Variants in ARHGAP8 observed in about 807,000 individuals in gnomAD.
ARHGAP8 encodes the protein Rho GTPase activating protein 8.
Under a neutral mutation model 46.1 loss-of-function variants are expected in ARHGAP8, and 62 were observed. The observed-to-expected ratio is 1.34, with a 90% CI of 1.10 to 1.66. The LOEUF is 1.66. ARHGAP8 is among the 40% of genes most tolerant of loss of function. ARHGAP8 has a pLI of 0.00. For missense variants in ARHGAP8, 923 were observed against 568.4 expected (o/e 1.62, Z -6.34); for synonymous variants, 375 against 243.1 (o/e 1.54, Z -5.05).
At position 44,825,608 on chromosome 22, in the gene ARHGAP8, G is replaced by T. The variant is rs368045205; in HGVS notation, c.596+15G>T. On this transcript the variant is annotated intron_variant, in intron 7 of 11. Coordinates refer to ENST00000356099, the MANE Select transcript of ARHGAP8 (RefSeq NM_181335.3). The stretch of plus-strand genomic sequence containing the variant: ...AGTCTGCAATAGTAAGTGAGCCGGG[G>T]ATGTGCCTGCTCCTATGCCCTGGAG... The T allele has an allele frequency of 5.0e-6, 8 of 1,608,084 alleles. No individual in the cohort carries two copies. In the African/African-American group the frequency reaches 9.4e-5, roughly 19 times the overall value.
chr22:44,841,048 G>A (rs565678961), intron 7 of ARHGAP8, among the ~76,000 whole-genome samples: 2 of 152,298 alleles, frequency 1.3e-5, no homozygotes, highest in East Asian at 3.9e-4. Flanking sequence ...GCCTTTCAGG[G>A]GAGTCCCGTT....
chr22:44,753,149 G>C (rs1007492910), intron 1 of ARHGAP8, among the ~76,000 whole-genome samples: 3 of 151,958 alleles, frequency 2.0e-5, no homozygotes, highest in Non-Finnish European at 2.9e-5. Context: ...GTGCTGCGCT[G>C]ATTCAAACTC....
chr22:44,844,881 C>G (rs961688065), intron 7 of ARHGAP8, among the ~76,000 whole-genome samples: 1 of 152,156 alleles, frequency 6.6e-6, no homozygotes, highest in Non-Finnish European at 1.5e-5. Context: ...TTATTCTGCC[C>G]TCACAGCCAA....
intron 2 of ARHGAP8, among the ~76,000 whole-genome samples, chr22:44,795,387 T>A (rs1928007404): frequency 6.6e-6 from 1 of 152,062 alleles, no homozygotes; most frequent in Admixed American, 6.6e-5. Context: ...GTTGGGTACC[T>A]CGGGCCCTGT....
At chr22:44,768,985 C>A (rs1925806399) in intron 1 of ARHGAP8, among the ~76,000 whole-genome samples, 1 of 152,032 alleles carries the variant, frequency 6.6e-6, no homozygotes, top group Non-Finnish European at 1.5e-5. Flanking sequence ...CACGTGTGCA[C>A]CATCATGCCT....
Position 44,819,215 on chromosome 22 carries a change from C to T in ARHGAP8, c.387-3156C>T, listed in dbSNP as rs151260887. Among the ~76,000 whole-genome samples the T allele has an allele frequency of 1.2e-3, 181 of 152,292 alleles. 6 individuals are homozygous for T. The South Asian group carries it at 0.031, about 26-fold the overall frequency. On this transcript the variant is annotated intron_variant, in intron 5 of 11. Coordinates refer to ENST00000356099, the MANE Select transcript of ARHGAP8 (RefSeq NM_181335.3). ...TTCCAAGTAGTTGGGACTACAGGCA[C>T]GCCACCATGCCCAGCTAAATTTTGA...
At position 44,814,704 on chromosome 22, in the gene ARHGAP8, T is replaced by C; in HGVS notation, c.332T>C (p.Val111Ala). ...AAGAACTTGAAGGCCCTCTACGTGG[T>C]GCACCCCACCAGCTTCATCAAGGTC... ...YKKNLKALYV[V>A]HPTSFIKVLW... The change falls in exon 5 of 12, where the codon GTG becomes GCG. Residue 111 changes from valine (V) to alanine (A), a missense_variant. Transcript: ENST00000356099. 6.2e-7 allele frequency: 1 copy of C among 1,613,998 alleles called. No individual in the cohort carries two copies. Among genetic ancestry groups the C allele is most frequent in the Non-Finnish European group, 8.5e-7 (1 of 1,179,950 alleles).
chr22:44,832,949 A>C (rs750514072), intron 7 of ARHGAP8, among the ~76,000 whole-genome samples: 17 of 151,332 alleles, frequency 1.1e-4, no homozygotes, highest in Non-Finnish European at 1.9e-4. Flanking sequence ...CAACATAGCA[A>C]GACCCTGTGT....
intron 7 of ARHGAP8, 98 bp downstream of exon 7, chr22:44,825,691 C>A: frequency 7.3e-7 from 1 of 1,379,224 alleles, no homozygotes; most frequent in Non-Finnish European, 9.8e-7. Flanking sequence ...ACGTTTGTCT[C>A]CAGCAGCCAA....
chr22:44,790,071 A>G (rs1927548476), intron 2 of ARHGAP8, among the ~76,000 whole-genome samples: 1 of 152,152 alleles, frequency 6.6e-6, no homozygotes, highest in Non-Finnish European at 1.5e-5. Flanking sequence ...CAGCAGAGGA[A>G]TTTGCATTTG....
At chr22:44,766,802 A>C (rs2147002095) in intron 1 of ARHGAP8, among the ~76,000 whole-genome samples, 1 of 152,120 alleles carries the variant, frequency 6.6e-6, no homozygotes, top group East Asian at 1.9e-4. Flanking sequence ...GCTCCATCTC[A>C]CAGCCCAGAG....
rs149840445 is a variant in ARHGAP8, at chr22:44,792,290, G to A, written c.79+5684G>A. ...CTCCCAAAGTGCTGGGATTACAGGC[G>A]TGAGCCACTGCACCCGGCCTCCAGT... On this transcript the variant is annotated intron_variant, in intron 2 of 11. Transcript: ENST00000356099. Among the ~76,000 whole-genome samples, 263 of 152,178 alleles carry A rather than the reference G, an allele frequency of 1.7e-3. 2 individuals carry two copies. Among genetic ancestry groups the A allele is most frequent in the Non-Finnish European group, 3.3e-3 (225 of 67,994 alleles).
intron 2 of ARHGAP8, among the ~76,000 whole-genome samples, chr22:44,787,047 A>AAAAAC (rs796358176): frequency 1.0e-4 from 15 of 145,558 alleles, no homozygotes; most frequent in African/African-American, 1.8e-4. Context: ...CAAAAAAAAA[A>AAAAAC]AAAAGAAAGA....
At chr22:44,754,124 G>C (rs908303493) in intron 1 of ARHGAP8, among the ~76,000 whole-genome samples, 4 of 152,138 alleles carry the variant, frequency 2.6e-5, no homozygotes, top group African/African-American at 9.7e-5. Flanking sequence ...TCTGGCTTCT[G>C]TGTAGAGAGA....
intron 1 of ARHGAP8, among the ~76,000 whole-genome samples, chr22:44,757,168 G>A (rs1924749878): frequency 6.6e-6 from 1 of 152,100 alleles, no homozygotes; most frequent in African/African-American, 2.4e-5. Flanking sequence ...CTCCCATCTT[G>A]GCCCCCCAAA....
intron 10 of ARHGAP8, chr22:44,849,401 C>T (rs923033954): frequency 6.3e-6 from 2 of 315,212 alleles, no homozygotes; most frequent in Admixed American, 9.3e-5. Flanking sequence ...TCCCAGGCCC[C>T]AGACCCTCAG....
At chr22:44,813,561 C>A (rs114915800) in intron 4 of ARHGAP8, among the ~76,000 whole-genome samples, 1,857 of 151,916 alleles carry the variant, frequency 0.012, 33 homozygotes, top group African/African-American at 0.043. Context: ...TACACATACA[C>A]CTACATACAA....
chr22:44,756,050 G>T (rs536208782), intron 1 of ARHGAP8, among the ~76,000 whole-genome samples: 10 of 152,314 alleles, frequency 6.6e-5, no homozygotes, highest in Admixed American at 2.0e-4. Context: ...TGCTTGGGGA[G>T]AAGAATGCGC....
At chr22:44,781,835 A>G (rs1449663412) in intron 1 of ARHGAP8, among the ~76,000 whole-genome samples, 1 of 151,616 alleles carries the variant, frequency 6.6e-6, no homozygotes, top group Non-Finnish European at 1.5e-5. Context: ...TATTTTATTT[A>G]TTTTTATTTT....
Sources: allele counts gnomAD v4.1 joint callset (sites outside exome capture counted in the v4.1 genomes callset), GRCh38; gene constraint gnomAD v4.1.1; transcripts MANE v1.5; gene names NCBI Gene and HGNC (gene_info 2026-07-23, HGNC 2026-07-21).